LOC102723971: variants seen among roughly 807,000 people sequenced by gnomAD.
At chr9:135,614,804 G>A in the LOC102723971 span, among the ~76,000 whole-genome samples, 4 of 152,100 alleles carry the variant, frequency 2.6e-5, no homozygotes, top group African/African-American at 9.7e-5. Flanking sequence ...GGCCCCTGGG[G>A]TCCTGGTGCT....
At chr9:135,617,587 T>C in the LOC102723971 span, among the ~76,000 whole-genome samples, 129,998 of 152,014 alleles carry the variant, frequency 0.86, 55,645 homozygotes, top group East Asian at 0.99. Flanking sequence ...CCAAGAAGGT[T>C]GAGGGGTTGG....
At chr9:135,615,154 G>A in the LOC102723971 span, among the ~76,000 whole-genome samples, 1 of 152,202 alleles carries the variant, frequency 6.6e-6, no homozygotes, top group Non-Finnish European at 1.5e-5. Flanking sequence ...TGGGGCCTGA[G>A]AGCCCAGAGG....
At chr9:135,619,087 T>A in the LOC102723971 span, 1 of 399,134 alleles carries the variant, frequency 2.5e-6, no homozygotes, top group East Asian at 3.6e-5. Flanking sequence ...CCCTTTTGCA[T>A]CTCAGGGACT....
the LOC102723971 span, chr9:135,617,922 C>T: frequency 2.5e-6 from 1 of 398,650 alleles, no homozygotes; most frequent in Non-Finnish European, 4.4e-6. Flanking sequence ...GGCCTCAGCC[C>T]CTCACTGTCA....
the LOC102723971 span, chr9:135,616,645 C>T: frequency 2.5e-6 from 1 of 398,620 alleles, no homozygotes; most frequent in African/African-American, 2.1e-5. Flanking sequence ...GTTGCAAGGC[C>T]AGTACCAAGG....
the LOC102723971 span, chr9:135,617,048 G>A: frequency 4.8e-5 from 19 of 398,660 alleles, no homozygotes; most frequent in Middle Eastern, 6.3e-4. Context: ...GCACTGGCAG[G>A]TGCAGTGCCT....
the LOC102723971 span, among the ~76,000 whole-genome samples, chr9:135,616,026 G>A: frequency 6.6e-6 from 1 of 152,226 alleles, no homozygotes; most frequent in African/African-American, 2.4e-5. Flanking sequence ...CCTAGCAGAC[G>A]CTCAGTCGTA....
the LOC102723971 span, chr9:135,615,336 C>T: frequency 2.5e-6 from 1 of 398,228 alleles, no homozygotes; most frequent in South Asian, 1.3e-4. Context: ...AGCTGGCCTC[C>T]TCTGCCCCGG....
chr9:135,617,147 A>G, the LOC102723971 span: 2 of 395,656 alleles, frequency 5.1e-6, no homozygotes, highest in Middle Eastern at 6.3e-4. Flanking sequence ...CCTTCTGTGC[A>G]GGGTGTTCTG....
the LOC102723971 span, among the ~76,000 whole-genome samples, chr9:135,615,168 G>A: frequency 6.6e-6 from 1 of 152,214 alleles, no homozygotes; most frequent in Non-Finnish European, 1.5e-5. Flanking sequence ...CCAGAGGGTG[G>A]CCTGCTGGGG....
the LOC102723971 span, chr9:135,616,928 C>G: frequency 5.0e-6 from 2 of 398,570 alleles, no homozygotes; most frequent in Non-Finnish European, 4.4e-6. Flanking sequence ...GCAGCATGCA[C>G]GTATGCTTCG....
At chr9:135,615,713 C>A in the LOC102723971 span, among the ~76,000 whole-genome samples, 15 of 152,154 alleles carry the variant, frequency 9.9e-5, no homozygotes, top group Non-Finnish European at 1.8e-4. Context: ...CCAGCAGACA[C>A]GCCCACTGGG....
the LOC102723971 span, among the ~76,000 whole-genome samples, chr9:135,619,610 C>A: frequency 2.0e-5 from 3 of 152,114 alleles, no homozygotes; most frequent in Non-Finnish European, 4.4e-5. Flanking sequence ...AGAAGCCCAG[C>A]GGGGCTGCCA....
the LOC102723971 span, among the ~76,000 whole-genome samples, chr9:135,614,884 C>T: frequency 9.3e-4 from 142 of 152,208 alleles, 1 homozygote; most frequent in Admixed American, 4.9e-3. Flanking sequence ...CCTCCCTGAC[C>T]AGGGGAACAG....
At chr9:135,618,423 G>C in the LOC102723971 span, among the ~76,000 whole-genome samples, 1 of 152,140 alleles carries the variant, frequency 6.6e-6, no homozygotes, top group Non-Finnish European at 1.5e-5. Context: ...GGCCAGGCCT[G>C]TTCTGGGAGT....
At chr9:135,619,376 C>A in the LOC102723971 span, among the ~76,000 whole-genome samples, 33 of 152,202 alleles carry the variant, frequency 2.2e-4, no homozygotes, top group East Asian at 6.0e-3. Context: ...CTCCGATGCA[C>A]CCCCCTCCCC....
At chr9:135,617,651 A>G in the LOC102723971 span, among the ~76,000 whole-genome samples, 3 of 152,190 alleles carry the variant, frequency 2.0e-5, no homozygotes, top group Non-Finnish European at 4.4e-5. Context: ...CCACTGAGGC[A>G]GGCCAGGCCT....
At chr9:135,618,622 T>C in the LOC102723971 span, among the ~76,000 whole-genome samples, 8 of 150,924 alleles carry the variant, frequency 5.3e-5, no homozygotes, top group Non-Finnish European at 1.2e-4. Context: ...GGCCCTGAGA[T>C]GAGGTGAGGG....
chr9:135,614,442 G>T, the LOC102723971 span: 2 of 387,590 alleles, frequency 5.2e-6, no homozygotes, highest in East Asian at 7.3e-5. Context: ...GCAGACAGGG[G>T]GGTGCCGGGG....
Sources: allele counts gnomAD v4.1 joint callset (sites outside exome capture counted in the v4.1 genomes callset), GRCh38; gene constraint gnomAD v4.1.1; transcripts MANE v1.5.